The following MSTO1 variants were observed in gnomAD, a reference collection of about 807,000 sequenced individuals.
MSTO1 encodes protein misato homolog 1.
In MSTO1, 24 loss-of-function variants were observed where a neutral mutation model predicts 55.7. The observed-to-expected ratio is 0.43, with a 90% CI of 0.31 to 0.61. The LOEUF (loss-of-function observed/expected upper bound fraction) is 0.61. Ranked by LOEUF, MSTO1 falls within the 20% of genes least tolerant of loss-of-function variation. The pLI is 0.09. For synonymous variants in MSTO1, 162 were observed against 252.8 expected, an observed-to-expected ratio of 0.64 and a Z score of 3.41; for missense variants, 363 against 625.7, an observed-to-expected ratio of 0.58 and a Z score of 4.48.
In MSTO1 at chr1:155,612,270, G is replaced by A. The variant is rs565781618; in HGVS notation, c.767G>A (p.Arg256Gln). 8.8e-5 allele frequency: 140 copies of A among 1,591,966 alleles called. 1 individual carries two copies. The South Asian group carries it at 9.7e-4, about 11-fold the overall frequency. The change falls in exon 8 of 14, where the codon CGG becomes CAG. Residue 256 changes from arginine (R) to glutamine (Q), a missense_variant. By Grantham distance (43) the Arg-to-Gln change is conservative. Coordinates refer to ENST00000245564, the MANE Select transcript of MSTO1 (RefSeq NM_018116.4). ...AELLQDEYSG[R>Q]GIITWGLLPG... ...CTGCTACAAGATGAATATTCAGGGC[G>A]GGGAATAATAACCTGGGGCCTGCTA...
At chr1:155,564,301 C>G in the MSTO1 span, among the ~76,000 whole-genome samples, 6 of 152,152 alleles carry the variant, frequency 3.9e-5, no homozygotes, top group African/African-American at 1.4e-4. Flanking sequence ...CGAGACCAGC[C>G]TGGCCAACAT....
chr1:155,606,916 C>T (rs2148975493), upstream of MSTO1, among the ~76,000 whole-genome samples: 1 of 152,194 alleles, frequency 6.6e-6, no homozygotes, highest in East Asian at 1.9e-4. Context: ...CTCACTGCAA[C>T]CTTTGCCTGT....
At chr1:155,575,926 G>A in the MSTO1 span, among the ~76,000 whole-genome samples, 51 of 151,832 alleles carry the variant, frequency 3.4e-4, no homozygotes, top group East Asian at 9.5e-3. Context: ...GGGCTCAAGC[G>A]ATTCTCCTGC....
chr1:155,593,199 CCA>C, the MSTO1 span, among the ~76,000 whole-genome samples: 1 of 152,160 alleles, frequency 6.6e-6, no homozygotes, highest in East Asian at 1.9e-4. Flanking sequence ...CAGGCGTGAG[CCA>C]CCGCACCTGG....
At chr1:155,580,479 G>C in the MSTO1 span, among the ~76,000 whole-genome samples, 1 of 152,176 alleles carries the variant, frequency 6.6e-6, no homozygotes, top group African/African-American at 2.4e-5. Context: ...AGGTTGCAGT[G>C]AGCCGTGATC....
At chr1:155,609,016 G>A (rs1673169646), upstream of MSTO1, among the ~76,000 whole-genome samples, 2 of 148,912 alleles carry the variant, frequency 1.3e-5, no homozygotes, top group East Asian at 2.0e-4. Context: ...AGTAGAGACC[G>A]GGGTTTCATC....
At chr1:155,576,096 A>G in the MSTO1 span, among the ~76,000 whole-genome samples, 1 of 152,036 alleles carries the variant, frequency 6.6e-6, no homozygotes, top group Admixed American at 6.6e-5. Flanking sequence ...TGCTGGGATT[A>G]CAGGTGTGAG....
chr1:155,602,106 T>C, the MSTO1 span: 1 of 707,350 alleles, frequency 1.4e-6, no homozygotes, highest in Admixed American at 1.8e-5. Flanking sequence ...CGGGATGTTC[T>C]GCAGTCCAAC....
the MSTO1 span, among the ~76,000 whole-genome samples, chr1:155,569,105 C>T: frequency 4.5e-4 from 69 of 151,966 alleles, no homozygotes; most frequent in South Asian, 0.013. Flanking sequence ...CCACCTGCCT[C>T]GGCCTCCCAA....
chr1:155,595,176 G>GTTTTTTTTTTTTT, the MSTO1 span, among the ~76,000 whole-genome samples: 1 of 102,514 alleles, frequency 9.8e-6, no homozygotes. Flanking sequence ...CAGGTTTGTT[G>GTTTTTTTTTTTTT]TTTTTTTTTT....
At chr1:155,574,926 G>A in the MSTO1 span, among the ~76,000 whole-genome samples, 23 of 150,012 alleles carry the variant, frequency 1.5e-4, no homozygotes, top group Non-Finnish European at 2.7e-4. Context: ...GAGTGCAGTG[G>A]CACTATTTCG....
the MSTO1 span, among the ~76,000 whole-genome samples, chr1:155,599,519 G>A: frequency 6.6e-6 from 1 of 152,252 alleles, no homozygotes; most frequent in South Asian, 2.1e-4. Context: ...AAACTTAAGG[G>A]ATATTACACT....
chr1:155,583,693 T>C, the MSTO1 span, among the ~76,000 whole-genome samples: 1 of 152,278 alleles, frequency 6.6e-6, no homozygotes, highest in Middle Eastern at 3.4e-3. Context: ...CTGACCGTCA[T>C]TTCTCATAGT....
chr1:155,609,703 G>C (rs1673418321), upstream of MSTO1: 1 of 156,638 alleles, frequency 6.4e-6, no homozygotes, highest in Non-Finnish European at 1.4e-5. Flanking sequence ...TACATAAGGT[G>C]TTAGATACAC....
the MSTO1 span, among the ~76,000 whole-genome samples, chr1:155,574,089 G>A: frequency 6.6e-6 from 1 of 152,116 alleles, no homozygotes. Flanking sequence ...GGGTGCAGTG[G>A]CTCACGCCTG....
chr1:155,598,829 A>G, the MSTO1 span: 1 of 1,356,074 alleles, frequency 7.4e-7, no homozygotes, highest in South Asian at 1.2e-5. Flanking sequence ...TTAGATGGAG[A>G]GAAGGGAACC....
the MSTO1 span, among the ~76,000 whole-genome samples, chr1:155,593,332 A>C: frequency 3.3e-5 from 5 of 152,374 alleles, no homozygotes; most frequent in African/African-American, 9.6e-5. Flanking sequence ...AGAAGGAGAT[A>C]CGAAAATGAA....
chr1:155,585,859 A>C, the MSTO1 span, among the ~76,000 whole-genome samples: 1 of 151,986 alleles, frequency 6.6e-6, no homozygotes, highest in African/African-American at 2.4e-5. Flanking sequence ...TGTTGTTCTT[A>C]TCATTCTCTT....
chr1:155,567,005 C>G, the MSTO1 span, among the ~76,000 whole-genome samples: 1 of 151,976 alleles, frequency 6.6e-6, no homozygotes, highest in East Asian at 1.9e-4. Flanking sequence ...TCAGCCTCCT[C>G]GGTAGCCGGG....
Sources: gnomAD v4.1 joint callset for allele counts (sites outside exome capture counted in the v4.1 genomes callset) on GRCh38, gnomAD v4.1.1 for gene constraint, MANE v1.5 for transcripts, NCBI Gene and HGNC (gene_info 2026-07-23, HGNC 2026-07-21) for gene names.